USP10: variants seen among roughly 807,000 people sequenced by gnomAD.
The protein encoded by USP10 is ubiquitin specific peptidase 10.
Under a neutral mutation model 84.5 loss-of-function variants are expected in USP10, and 22 were observed. The ratio of observed to expected loss-of-function variants is 0.26; its 90% confidence interval spans 0.19 to 0.37. The LOEUF (loss-of-function observed/expected upper bound fraction) is 0.37, where lower values mean the gene tolerates loss of function less well. Among genes scored for constraint, USP10 ranks in the 10% least tolerant of loss-of-function variants. USP10 has a pLI of 1.00. For synonymous variants in USP10, 454 were observed against 387.6 expected, an observed-to-expected ratio of 1.17 and a Z score of -2.01; for missense variants, 1,019 against 998.9, an observed-to-expected ratio of 1.02 and a Z score of -0.27.
intron 1 of USP10, chr16:84,733,167 C>T (rs1311413328): frequency 3.8e-6 from 2 of 526,358 alleles, no homozygotes; most frequent in Non-Finnish European, 7.2e-6. Context: ...CAGGACTCGA[C>T]AAGTTTGGCA....
chr16:84,702,360 G>C (rs922152213), intron 1 of USP10, among the ~76,000 whole-genome samples: 1 of 151,954 alleles, frequency 6.6e-6, no homozygotes, highest in Admixed American at 6.6e-5. Flanking sequence ...GCGCCTGGCC[G>C]ATTTCTCATA....
intron 2 of USP10, among the ~76,000 whole-genome samples, chr16:84,736,885 T>C (rs1910000320): frequency 6.6e-6 from 1 of 152,142 alleles, no homozygotes; most frequent in South Asian, 2.1e-4. Flanking sequence ...GCCTCCCGGG[T>C]TCACACCATT....
At chr16:84,739,331 G>A (rs968926960) in intron 2 of USP10, among the ~76,000 whole-genome samples, 1 of 152,044 alleles carries the variant, frequency 6.6e-6, no homozygotes, top group African/African-American at 2.4e-5. Flanking sequence ...GAGTGCAGTG[G>A]CGCGATCTCG....
At chr16:84,773,442 C>T (rs1045923100) in intron 12 of USP10, among the ~76,000 whole-genome samples, 2 of 152,138 alleles carry the variant, frequency 1.3e-5, no homozygotes, top group African/African-American at 4.8e-5. Context: ...GCAACCCCAC[C>T]TCATACCTCC....
intron 1 of USP10, chr16:84,732,546 A>C (rs1464407046): frequency 2.7e-6 from 1 of 365,766 alleles, no homozygotes; most frequent in Non-Finnish European, 5.4e-6. Flanking sequence ...TCCCTGGTTC[A>C]AGCAATTCTC....
chr16:84,746,894 T>G (rs1258498423), intron 4 of USP10, among the ~76,000 whole-genome samples: 1 of 152,250 alleles, frequency 6.6e-6, no homozygotes, highest in African/African-American at 2.4e-5. Context: ...ACACTACAGC[T>G]ATACAAAAAT....
At chr16:84,766,094 C>A (rs367646533) in intron 10 of USP10, among the ~76,000 whole-genome samples, 12 of 152,178 alleles carry the variant, frequency 7.9e-5, no homozygotes, top group Non-Finnish European at 1.5e-4. Context: ...AAGAGCACCC[C>A]TTTTGAGGCA....
intron 1 of USP10, among the ~76,000 whole-genome samples, chr16:84,703,151 G>A (rs1366804124): frequency 2.6e-5 from 4 of 152,202 alleles, no homozygotes; most frequent in South Asian, 4.2e-4. Flanking sequence ...TTTTGAGACC[G>A]GTAACTCAGC....
chr16:84,704,932 C>A (rs1020019060), intron 1 of USP10: 5 of 1,532,508 alleles, frequency 3.3e-6, no homozygotes, highest in Non-Finnish European at 4.4e-6. Context: ...CTTTTGGGCT[C>A]ACATGAGAAT....
At chr16:84,740,270 T>G (rs1034563019) in intron 2 of USP10, 39 bp from the exon 3 acceptor site, 5 of 1,587,780 alleles carry the variant, frequency 3.1e-6, no homozygotes, top group Non-Finnish European at 4.3e-6. Flanking sequence ...GTTTTAACAT[T>G]TTGTTGAATT....
chr16:84,752,055 T>TC (rs1473517407), intron 4 of USP10, among the ~76,000 whole-genome samples: 3 of 152,186 alleles, frequency 2.0e-5, no homozygotes, highest in Non-Finnish European at 4.4e-5. Flanking sequence ...ATTAAGCAAC[T>TC]CCATTTTTCT....
At chr16:84,736,708 A>G (rs1327285887) in intron 2 of USP10, among the ~76,000 whole-genome samples, 1 of 152,140 alleles carries the variant, frequency 6.6e-6, no homozygotes, top group African/African-American at 2.4e-5. Flanking sequence ...CCGATGACAT[A>G]GTGTTGGCAG....
In USP10 at chr16:84,779,238, A is replaced by G. The variant is rs561870402; in HGVS notation, c.*156A>G. ...AAAGGAGATGCCTTGGGGTTCGTGC[A>G]CAACACAGCTTCTGTTGACTCTAAC... On this transcript the variant is annotated 3_prime_UTR_variant, in exon 14 of 14. Transcript: ENST00000219473. The G allele has an allele frequency of 6.7e-6, 5 of 750,786 alleles. No homozygotes were observed. In the East Asian group the frequency reaches 1.5e-4, roughly 22 times the overall value. The allele number at this position is 750,786 out of a possible 1,614,324, so 46.5% of individuals were successfully genotyped here. A position where few individuals can be genotyped will look rare whatever the true frequency, so the allele number is the denominator to read the frequency against.
chr16:84,764,842 A>G (rs1026729088), intron 10 of USP10, among the ~76,000 whole-genome samples: 2 of 151,514 alleles, frequency 1.3e-5, no homozygotes, highest in Non-Finnish European at 1.5e-5. Flanking sequence ...GAAAAAAAAA[A>G]GAAAAAGATA....
rs528640812 is a variant in USP10 at position 84,729,262 on chromosome 16, C to T, written c.22-4173C>T. 4.6e-5 allele frequency among the ~76,000 whole-genome samples: 7 copies of T among 152,340 alleles called. No individual in the cohort carries two copies. In the South Asian group the frequency reaches 1.5e-3, roughly 32 times the overall value. ...TTCATAATCCATGTTTGAATGGTTACCATGCCAGCTTACTTTGCCAAGAAA... is the reference window on the plus strand; with the variant it reads ...TTCATAATCCATGTTTGAATGGTTATCATGCCAGCTTACTTTGCCAAGAAA... On this transcript the variant is annotated intron_variant, in intron 1 of 13. Transcript: ENST00000219473.
At chr16:84,719,005 T>A (rs1297860798) in intron 1 of USP10, among the ~76,000 whole-genome samples, 1 of 151,994 alleles carries the variant, frequency 6.6e-6, no homozygotes, top group African/African-American at 2.4e-5. Flanking sequence ...TAGGTCAAGC[T>A]GGTCTCGAAC....
At chr16:84,771,880 C>A (rs1567652030) in intron 11 of USP10, among the ~76,000 whole-genome samples, 1 of 151,954 alleles carries the variant, frequency 6.6e-6, no homozygotes, top group African/African-American at 2.4e-5. Flanking sequence ...CCAAAAAAGG[C>A]GGGGGAGTCA....
intron 11 of USP10, among the ~76,000 whole-genome samples, chr16:84,770,016 G>A (rs995265105): frequency 1.1e-4 from 16 of 152,226 alleles, no homozygotes; most frequent in South Asian, 8.3e-4. Context: ...GGCTGAGGCA[G>A]GAGGATTGCC....
intron 1 of USP10, among the ~76,000 whole-genome samples, chr16:84,709,693 A>G (rs1238072187): frequency 6.6e-6 from 1 of 152,016 alleles, no homozygotes; most frequent in Non-Finnish European, 1.5e-5. Flanking sequence ...AAAAAGGAGG[A>G]GAGTGGGACT....
Sources: allele counts gnomAD v4.1 joint callset (sites outside exome capture counted in the v4.1 genomes callset), GRCh38; gene constraint gnomAD v4.1.1; transcripts MANE v1.5; gene names NCBI Gene and HGNC (gene_info 2026-07-23, HGNC 2026-07-21).